Variants in CNTN3 observed in about 807,000 individuals in gnomAD.
The protein encoded by CNTN3 is contactin-3.
Under a neutral mutation model 119.1 loss-of-function variants are expected in CNTN3, and 60 were observed. The observed-to-expected ratio is 0.50, with a 90% CI of 0.41 to 0.62. The LOEUF (loss-of-function observed/expected upper bound fraction) is 0.62, where lower values mean the gene tolerates loss of function less well. Among genes scored for constraint, CNTN3 ranks in the 20% least tolerant of loss-of-function variants. CNTN3 has a pLI of 0.00. For synonymous variants in CNTN3, 450 were observed against 438.7 expected (o/e 1.03, Z -0.32); for missense variants, 1,101 against 1,242.4 (o/e 0.89, Z 1.71).
chr3:74,478,057 G>A (rs1702691288), intron 4 of CNTN3, among the ~76,000 whole-genome samples: 1 of 152,090 alleles, frequency 6.6e-6, no homozygotes. Context: ...GTAAGAGATA[G>A]TCTATAAAGG....
intron 16 of CNTN3, among the ~76,000 whole-genome samples, chr3:74,300,426 A>G (rs986947707): frequency 7.2e-5 from 11 of 152,338 alleles, no homozygotes; most frequent in Middle Eastern, 3.4e-3. Context: ...TGAGAACTCT[A>G]GGCTTAGTGA....
intron 1 of CNTN3, among the ~76,000 whole-genome samples, chr3:74,557,202 C>A (rs906560459): frequency 2.0e-5 from 3 of 152,008 alleles, no homozygotes; most frequent in Admixed American, 2.0e-4. Context: ...ATCTAAGAAA[C>A]CCATGCCTAA....
chr3:74,614,202 G>A (rs1221652260), intron 1 of CNTN3, among the ~76,000 whole-genome samples, 189 bp downstream of exon 1: 1 of 152,170 alleles, frequency 6.6e-6, no homozygotes, highest in Non-Finnish European at 1.5e-5. Flanking sequence ...GCCCCAGAAG[G>A]GGAAAAATAA....
At chr3:74,396,663 G>A (rs1299966409) in intron 5 of CNTN3, among the ~76,000 whole-genome samples, 12 of 149,124 alleles carry the variant, frequency 8.0e-5, no homozygotes, top group South Asian at 2.1e-4. Flanking sequence ...GGAGAATGGC[G>A]AGAACCCGGG....
chr3:74,471,982 G>A (rs1702574371), intron 4 of CNTN3, among the ~76,000 whole-genome samples: 1 of 152,166 alleles, frequency 6.6e-6, no homozygotes, highest in Non-Finnish European at 1.5e-5. Flanking sequence ...CTGAATAAAT[G>A]AATGAACTCA....
intron 8 of CNTN3, among the ~76,000 whole-genome samples, chr3:74,367,781 T>TA (rs1338371857): frequency 1.3e-5 from 2 of 152,132 alleles, no homozygotes; most frequent in African/African-American, 4.8e-5. Flanking sequence ...TTATTATGTA[T>TA]ACAGGGTTTC....
rs1051745492 is a variant in CNTN3, at chr3:74,295,294, A to C, written c.2402-58T>G. 5.8e-6 allele frequency: 5 copies of C among 858,908 alleles called. No homozygotes were observed. In the African/African-American group the frequency reaches 8.3e-5, roughly 14 times the overall value. The allele number at this position is 858,908 out of a possible 1,614,324, so 53.2% of individuals were successfully genotyped here. Reference sequence around the variant, plus strand: ...AATTTTGGCAGTTAGTTTAAAACACAGATTAATGTTCTTATTTTTATAAAA... The same window carrying C: ...AATTTTGGCAGTTAGTTTAAAACACCGATTAATGTTCTTATTTTTATAAAA... On this transcript the variant is annotated intron_variant, in intron 18 of 22. Transcript: ENST00000263665.
chr3:74,469,627 T>G (rs182107649), intron 4 of CNTN3, among the ~76,000 whole-genome samples: 1 of 152,274 alleles, frequency 6.6e-6, no homozygotes, highest in East Asian at 1.9e-4. Context: ...ATCAGGGAGA[T>G]GTAAATGAAA....
chr3:74,273,075 CTT>C (rs1366421040), intron 20 of CNTN3, among the ~76,000 whole-genome samples: 5 of 151,994 alleles, frequency 3.3e-5, no homozygotes, highest in Non-Finnish European at 7.4e-5. Context: ...ATTTGGAAAA[CTT>C]TGCAATAATG....
intron 13 of CNTN3, among the ~76,000 whole-genome samples, chr3:74,309,159 C>A (rs1702626261): frequency 6.6e-6 from 1 of 152,050 alleles, no homozygotes; most frequent in South Asian, 2.1e-4. Context: ...GGCTGGAGTG[C>A]TGTGGCATGA....
chr3:74,356,004 A>G (rs1440610485), intron 11 of CNTN3, among the ~76,000 whole-genome samples: 1 of 152,046 alleles, frequency 6.6e-6, no homozygotes, highest in Non-Finnish European at 1.5e-5. Flanking sequence ...ATGTCCCTCC[A>G]AAATCCATGG....
intron 20 of CNTN3, 94 bp from the exon 21 acceptor site, chr3:74,267,472 A>C: frequency 1.2e-6 from 1 of 829,792 alleles, no homozygotes; most frequent in Admixed American, 1.8e-5. Flanking sequence ...AGCTAGTGGA[A>C]GTAGAACGGG....
At chr3:74,356,821 G>C (rs1219216780) in intron 11 of CNTN3, among the ~76,000 whole-genome samples, 3 of 151,984 alleles carry the variant, frequency 2.0e-5, no homozygotes, top group Non-Finnish European at 4.4e-5. Flanking sequence ...TATAATTTAG[G>C]TGCCTCACTG....
chr3:74,410,821 T>C (rs1419674916), intron 5 of CNTN3, among the ~76,000 whole-genome samples: 1 of 152,138 alleles, frequency 6.6e-6, no homozygotes, highest in Admixed American at 6.6e-5. Context: ...GATCCATACA[T>C]AATTAACTGA....
chr3:74,458,245 TTAA>T (rs1702304365), intron 4 of CNTN3, among the ~76,000 whole-genome samples: 1 of 152,018 alleles, frequency 6.6e-6, no homozygotes, highest in Non-Finnish European at 1.5e-5. Flanking sequence ...TATAAAGTCA[TTAA>T]TAATAAAAGT....
chr3:74,425,216 T>C (rs756635904), intron 4 of CNTN3, among the ~76,000 whole-genome samples: 18 of 152,194 alleles, frequency 1.2e-4, no homozygotes, highest in South Asian at 6.2e-4. Flanking sequence ...GGTAGGTAGT[T>C]TTCTAATCCT....
chr3:74,567,816 A>G (rs1704251123), intron 1 of CNTN3, among the ~76,000 whole-genome samples: 1 of 152,188 alleles, frequency 6.6e-6, no homozygotes. Context: ...GGAGAATACA[A>G]ATGAGGAAGC....
chr3:74,297,885 AC>A lies in CNTN3; in HGVS notation c.2401+71del, dbSNP rs1395904352. 4 of 1,142,252 alleles carry A rather than the reference AC, an allele frequency of 3.5e-6. No homozygotes were observed. The East Asian group carries it at 9.6e-5, about 27-fold the overall frequency. The allele number at this position is 1,142,252 out of a possible 1,614,324, so 70.8% of individuals were successfully genotyped here. A position where few individuals can be genotyped will look rare whatever the true frequency, so the allele number is the denominator to read the frequency against. On this transcript the variant is annotated intron_variant, in intron 18 of 22. Transcript: ENST00000263665. ...TAAATATATTTGAAGTCAAAACGAG[AC>A]TCCAAATCAGTTTTTGGAGCACAAA...
At chr3:74,277,345 G>T (rs544606128) in intron 20 of CNTN3, among the ~76,000 whole-genome samples, 4 of 152,202 alleles carry the variant, frequency 2.6e-5, no homozygotes, top group African/African-American at 9.6e-5. Context: ...TATCCCTGAT[G>T]AACATAGATG....
Sources: allele counts gnomAD v4.1 joint callset (sites outside exome capture counted in the v4.1 genomes callset), GRCh38; gene constraint gnomAD v4.1.1; transcripts MANE v1.5; gene names NCBI Gene and HGNC (gene_info 2026-07-23, HGNC 2026-07-21).